Variants in CCDC172 observed in about 807,000 individuals in gnomAD.
CCDC172 encodes coiled-coil domain containing 172, also known as coiled-coil domain-containing protein 172.
CCDC172 carries 30 observed loss-of-function variants against 38.0 expected under a neutral mutation model. The observed-to-expected ratio is 0.79, with a 90% CI of 0.59 to 1.07. The LOEUF (loss-of-function observed/expected upper bound fraction) is 1.07. Among genes scored for constraint, CCDC172 ranks in the 50% least tolerant of loss-of-function variants. The pLI is 0.00. For synonymous variants in CCDC172, 78 were observed against 88.3 expected, an observed-to-expected ratio of 0.88 and a Z score of 0.66; for missense variants, 297 against 290.1, an observed-to-expected ratio of 1.02 and a Z score of -0.17.
chr10:116,339,340 T>A (rs76051370), intron 3 of CCDC172, among the ~76,000 whole-genome samples: 11,282 of 151,932 alleles, frequency 0.074, 609 homozygotes, highest in East Asian at 0.23. Flanking sequence ...TTTATTATCA[T>A]TTACATAATA....
chr10:116,342,231 G>C (rs767008059), intron 5 of CCDC172, 30 bp downstream of exon 5: 1 of 1,502,076 alleles, frequency 6.7e-7, no homozygotes, highest in South Asian at 1.4e-5. Context: ...CATTTGTCTT[G>C]CATTAATGAA....
intron 3 of CCDC172, among the ~76,000 whole-genome samples, chr10:116,340,337 T>G (rs1347185850): frequency 6.6e-6 from 1 of 151,884 alleles, no homozygotes; most frequent in Non-Finnish European, 1.5e-5. Context: ...GTACATGATT[T>G]ATTCATTCAT....
chr10:116,326,251 T>G (rs916587113), intron 3 of CCDC172, among the ~76,000 whole-genome samples: 2 of 152,064 alleles, frequency 1.3e-5, no homozygotes, highest in African/African-American at 4.8e-5. Context: ...TAAAAGGTAG[T>G]TTTAGGAGGA....
At chr10:116,376,360 G>A (rs761769649) in intron 7 of CCDC172, among the ~76,000 whole-genome samples, 4 of 152,120 alleles carry the variant, frequency 2.6e-5, no homozygotes, top group Non-Finnish European at 5.9e-5. Flanking sequence ...GGAGAGCAAT[G>A]TTGTTCCTCA....
chr10:116,354,877 GC>G (rs1230848374), intron 5 of CCDC172, among the ~76,000 whole-genome samples: 1 of 152,166 alleles, frequency 6.6e-6, no homozygotes, highest in Non-Finnish European at 1.5e-5. Flanking sequence ...CCTTGTGTAG[GC>G]CTAGGCTAAT....
chr10:116,341,473 A>G (rs1369047098), intron 4 of CCDC172, among the ~76,000 whole-genome samples: 1 of 152,024 alleles, frequency 6.6e-6, no homozygotes, highest in Non-Finnish European at 1.5e-5. Context: ...AGGTTTTTGC[A>G]TTGTCCACAG....
intron 7 of CCDC172, among the ~76,000 whole-genome samples, chr10:116,376,227 C>G (rs903143479): frequency 6.6e-6 from 1 of 152,130 alleles, no homozygotes; most frequent in African/African-American, 2.4e-5. Flanking sequence ...CATCTGCTGG[C>G]ATCCAGGAAA....
intron 7 of CCDC172, among the ~76,000 whole-genome samples, chr10:116,374,873 T>C (rs894612337): frequency 1.3e-5 from 2 of 149,662 alleles, no homozygotes; most frequent in African/African-American, 4.9e-5. Flanking sequence ...TCACTTTAAA[T>C]ATAAAGATGT....
intron 7 of CCDC172, among the ~76,000 whole-genome samples, chr10:116,377,173 T>TA (rs1163040306): frequency 6.6e-6 from 1 of 152,168 alleles, no homozygotes; most frequent in Non-Finnish European, 1.5e-5. Context: ...CCCTAAAACT[T>TA]AAAGTATAAT....
intron 7 of CCDC172, among the ~76,000 whole-genome samples, chr10:116,358,362 TG>T (rs1404607019): frequency 6.6e-6 from 1 of 152,118 alleles, no homozygotes; most frequent in East Asian, 1.9e-4. Context: ...AAAGTGAAAA[TG>T]TATTTTCTGT....
At position 116,325,405 on chromosome 10, in the gene CCDC172, C is replaced by G. The variant is rs1368137801; in HGVS notation, c.165+17C>G. ...GAATCTAAGGTATTGAAATGTAAAG[C>G]ATACTAATTATCACTTGAAAAAGCC... On this transcript the variant is annotated intron_variant, in intron 3 of 8. Coordinates refer to ENST00000333254, the MANE Select transcript of CCDC172 (RefSeq NM_198515.3). The G allele has an allele frequency of 3.1e-6, 5 of 1,591,300 alleles. No individual in the cohort carries two copies. In the Admixed American group the frequency reaches 8.5e-5, roughly 27 times the overall value.
At chr10:116,334,466 A>G (rs953013443) in intron 3 of CCDC172, among the ~76,000 whole-genome samples, 1 of 152,112 alleles carries the variant, frequency 6.6e-6, no homozygotes. Flanking sequence ...TTCTTTCAAA[A>G]TTGTTTAAAT....
At chr10:116,364,051 A>G (rs1392962834) in intron 7 of CCDC172, among the ~76,000 whole-genome samples, 5 of 152,186 alleles carry the variant, frequency 3.3e-5, no homozygotes. Flanking sequence ...AAAGGATAAC[A>G]GCTTGTTAAA....
At chr10:116,361,425 C>T (rs548975960) in intron 7 of CCDC172, among the ~76,000 whole-genome samples, 23 of 152,202 alleles carry the variant, frequency 1.5e-4, no homozygotes, top group African/African-American at 5.3e-4. Flanking sequence ...AAACTTCCTT[C>T]TAGAATGGTT....
intron 3 of CCDC172, among the ~76,000 whole-genome samples, chr10:116,334,845 T>C (rs1044261479): frequency 6.6e-6 from 1 of 152,092 alleles, no homozygotes; most frequent in African/African-American, 2.4e-5. Context: ...TTACTACTCA[T>C]ACACTGAAAA....
In CCDC172 at chr10:116,354,041, G is replaced by A. The variant is rs116396995; in HGVS notation, c.449-3339G>A. Among the ~76,000 whole-genome samples, 575 of 152,294 alleles carry A rather than the reference G, an allele frequency of 3.8e-3. 4 individuals are homozygous for A. The highest frequency in any genetic ancestry group is 0.013 in the African/African-American group (550 of 41,556). ...TGTCCACACAAGACCTTGTACAGTC[G>A]TGCACCACATAACAGCATTTCAGTC... On this transcript the variant is annotated intron_variant, in intron 5 of 8. Transcript: ENST00000333254.
Position 116,325,060 on chromosome 10 carries a change from G to A in CCDC172, c.49G>A (p.Ala17Thr). The change falls in exon 2 of 9, where the codon GCG becomes ACG. Residue 17 changes from alanine (A) to threonine (T), a missense_variant. Transcript: ENST00000333254. ...GCACATCATCTTCACCGAGCATCAG[G>A]CGGAGGAGAGTCGCCGTTTGATGCG... is the stretch of plus-strand genomic sequence containing the variant. ...FQHIIFTEHQ[A>T]EESRRLMREV... The A allele has an allele frequency of 6.2e-7, 1 of 1,614,076 alleles. No individual in the cohort carries two copies. Among genetic ancestry groups the A allele is most frequent in the Non-Finnish European group, 8.5e-7 (1 of 1,180,024 alleles).
Position 116,340,396 on chromosome 10 carries a change from C to G in CCDC172, c.166-338C>G, listed in dbSNP as rs74891130. Among the ~76,000 whole-genome samples the G allele has an allele frequency of 3.2e-3, 493 of 151,852 alleles. 1 individual carries two copies. The highest frequency in any genetic ancestry group is 0.012 in the African/African-American group (479 of 41,502). Reference sequence around the variant, plus strand: ...TAGAAACTTATTATCTAAAAACAAACAGTCTTAAAGCAGATTTCAATGTGT... The same window carrying G: ...TAGAAACTTATTATCTAAAAACAAAGAGTCTTAAAGCAGATTTCAATGTGT... On this transcript the variant is annotated intron_variant, in intron 3 of 8. Coordinates refer to ENST00000333254, the MANE Select transcript of CCDC172 (RefSeq NM_198515.3).
intron 3 of CCDC172, among the ~76,000 whole-genome samples, chr10:116,339,122 C>T (rs1393371493): frequency 2.0e-5 from 3 of 151,852 alleles, no homozygotes. Context: ...GTTTATTAAC[C>T]TTATATATTT....
Sources: allele counts gnomAD v4.1 joint callset (sites outside exome capture counted in the v4.1 genomes callset), GRCh38; gene constraint gnomAD v4.1.1; transcripts MANE v1.5; gene names NCBI Gene and HGNC (gene_info 2026-07-23, HGNC 2026-07-21).